The following CNGA1 variants were observed in gnomAD, a reference collection of about 807,000 sequenced individuals.
CNGA1 encodes the protein cyclic nucleotide gated channel subunit alpha 1.
In CNGA1, 53 loss-of-function variants were observed where a neutral mutation model predicts 69.7. The ratio of observed to expected loss-of-function variants is 0.76; its 90% CI spans 0.61 to 0.96. The LOEUF (loss-of-function observed/expected upper bound fraction) is 0.96, where lower values mean the gene tolerates loss of function less well. Ranked by LOEUF, CNGA1 falls within the 40% of genes least tolerant of loss-of-function variation. The pLI is 0.00. For missense variants in CNGA1, 739 were observed against 811.2 expected (o/e 0.91, Z 1.08); for synonymous variants, 249 against 283.5 (o/e 0.88, Z 1.22).
At chr4:48,001,362 G>A (rs1714658594) in intron 2 of CNGA1, among the ~76,000 whole-genome samples, 1 of 152,112 alleles carries the variant, frequency 6.6e-6, no homozygotes, top group Non-Finnish European at 1.5e-5. Context: ...CCAGCTACTT[G>A]GGAGGCTGAG....
At chr4:47,958,993 G>A (rs1383002553) in intron 3 of CNGA1, 1 of 152,080 alleles carries the variant, frequency 6.6e-6, no homozygotes, top group Admixed American at 6.6e-5. Context: ...AAAATCACTT[G>A]CCATAACAGA....
chr4:47,942,643 A>G (rs1739163136), intron 8 of CNGA1, among the ~76,000 whole-genome samples: 1 of 152,144 alleles, frequency 6.6e-6, no homozygotes, highest in Admixed American at 6.5e-5. Flanking sequence ...CGGGCCACAC[A>G]GCAGGAGGTG....
intron 1 of CNGA1, 149 bp from the exon 2 acceptor site, chr4:48,011,042 C>T (rs1470791692): frequency 6.6e-6 from 1 of 152,260 alleles, no homozygotes; most frequent in Non-Finnish European, 1.5e-5. Flanking sequence ...GATCATTGTC[C>T]CTCCTGCTGT....
At chr4:48,005,124 A>AG (rs1714861069) in intron 2 of CNGA1, among the ~76,000 whole-genome samples, 2 of 148,006 alleles carry the variant, frequency 1.4e-5, no homozygotes, top group Non-Finnish European at 3.0e-5. Flanking sequence ...TTATTTATTT[A>AG]TTTATTTATT....
At chr4:47,954,211 C>T (rs1032697417) in intron 3 of CNGA1, among the ~76,000 whole-genome samples, 3 of 152,092 alleles carry the variant, frequency 2.0e-5, no homozygotes, top group Non-Finnish European at 2.9e-5. Flanking sequence ...AGATTATCCC[C>T]ACACCCCTCC....
intron 2 of CNGA1, among the ~76,000 whole-genome samples, chr4:47,982,851 C>G (rs1741790965): frequency 6.6e-6 from 1 of 152,144 alleles, no homozygotes; most frequent in Non-Finnish European, 1.5e-5. Context: ...TTCGCCCAGG[C>G]TGGAGTGCAG....
chr4:48,009,195 A>G (rs321648), intron 2 of CNGA1, among the ~76,000 whole-genome samples: 146,952 of 152,266 alleles, frequency 0.97, 71,140 homozygotes, highest in Middle Eastern at 1. Flanking sequence ...AGCTGGGCAC[A>G]GTGGCTCACA....
At chr4:47,952,474 A>T (rs904722988) in intron 4 of CNGA1, 109 bp downstream of exon 4, 2 of 1,120,318 alleles carry the variant, frequency 1.8e-6, no homozygotes. Context: ...TGCTAAATAC[A>T]TTACAAAGTT....
At chr4:47,977,206 G>T (rs112515209) in intron 3 of CNGA1, among the ~76,000 whole-genome samples, 1 of 152,174 alleles carries the variant, frequency 6.6e-6, no homozygotes, top group Non-Finnish European at 1.5e-5. Flanking sequence ...TTAAGTCAAA[G>T]TGAGGCCATT....
chr4:47,967,978 A>G (rs76487127), intron 3 of CNGA1, among the ~76,000 whole-genome samples: 2 of 144,098 alleles, frequency 1.4e-5, no homozygotes, highest in African/African-American at 5.1e-5. Context: ...ACTTCGTCTC[A>G]AAAAAAAAAA....
intron 3 of CNGA1, among the ~76,000 whole-genome samples, chr4:47,976,490 CA>C (rs1741427284): frequency 1.3e-5 from 2 of 151,410 alleles, no homozygotes; most frequent in Admixed American, 1.3e-4. Context: ...TTGATAGTAA[CA>C]ATAAAGATAA....
chr4:47,958,053 C>G (rs1204797702), intron 3 of CNGA1, among the ~76,000 whole-genome samples: 1 of 151,846 alleles, frequency 6.6e-6, no homozygotes, highest in Non-Finnish European at 1.5e-5. Flanking sequence ...TGCCACCACA[C>G]CCAGCTAATT....
Position 48,016,627 on chromosome 4 carries a change from GC to G in CNGA1, c.-368del. 1.8e-6 allele frequency: 1 copy of G among 546,528 alleles called. No individual in the cohort carries two copies. The highest frequency in any genetic ancestry group is 2.3e-5 in the South Asian group (1 of 42,932). The allele number at this position is 546,528 out of a possible 1,614,324, so 33.9% of individuals were successfully genotyped here. ...GTTATCACAGGCCGCTCCCAGGCCT[GC>G]GGGGGCCCTGAGAATTCGCAACAAG... On this transcript the variant is annotated 5_prime_UTR_variant, in exon 1 of 11. Coordinates refer to ENST00000514170, the MANE Select transcript of CNGA1 (RefSeq NM_001379270.1).
At chr4:47,987,500 G>A (rs775642988) in intron 2 of CNGA1, among the ~76,000 whole-genome samples, 4 of 152,054 alleles carry the variant, frequency 2.6e-5, no homozygotes, top group Non-Finnish European at 4.4e-5. Flanking sequence ...GTCCATTACC[G>A]TATCTCTAGC....
chr4:47,943,101 C>T, intron 8 of CNGA1, 80 bp downstream of exon 8: 1 of 1,005,066 alleles, frequency 9.9e-7, no homozygotes. Flanking sequence ...TTTCTTTCTA[C>T]TTTGTATTAT....
chr4:47,952,812 C>A, intron 3 of CNGA1, 109 bp from the exon 4 acceptor site: 1 of 688,242 alleles, frequency 1.5e-6, no homozygotes, highest in Non-Finnish European at 2.1e-6. Flanking sequence ...CTAATAAAGA[C>A]ATACCTGAGA....
At chr4:47,967,446 G>T (rs1001916671) in intron 3 of CNGA1, among the ~76,000 whole-genome samples, 11 of 152,132 alleles carry the variant, frequency 7.2e-5, no homozygotes, top group African/African-American at 2.2e-4. Flanking sequence ...AGGTTCTAGC[G>T]CTTGCAATAA....
intron 3 of CNGA1, among the ~76,000 whole-genome samples, chr4:47,973,889 C>T (rs980131041): frequency 6.6e-6 from 1 of 151,912 alleles, no homozygotes; most frequent in Non-Finnish European, 1.5e-5. Flanking sequence ...TGATATATTG[C>T]TAAGTAGAAA....
chr4:47,979,919 C>A (rs1269876980), intron 3 of CNGA1, among the ~76,000 whole-genome samples: 3 of 151,994 alleles, frequency 2.0e-5, no homozygotes, highest in Non-Finnish European at 2.9e-5. Context: ...AAATTTTTTT[C>A]TCTAAGGACT....
Sources: gnomAD v4.1 joint callset for allele counts (sites outside exome capture counted in the v4.1 genomes callset) on GRCh38, gnomAD v4.1.1 for gene constraint, MANE v1.5 for transcripts, NCBI Gene and HGNC (gene_info 2026-07-23, HGNC 2026-07-21) for gene names.